The following POC1B variants were observed in gnomAD, a reference collection of about 807,000 sequenced individuals.
The protein encoded by POC1B is POC1 centriolar protein homolog B.
Under a neutral mutation model 60.6 loss-of-function variants are expected in POC1B, and 44 were observed. The ratio of observed to expected loss-of-function variants is 0.73; its 90% confidence interval spans 0.57 to 0.93. The LOEUF (loss-of-function observed/expected upper bound fraction) is 0.93, where lower values mean the gene tolerates loss of function less well. POC1B is among the 40% of genes least tolerant of loss of function. The pLI, the probability that POC1B is intolerant of heterozygous loss-of-function variation, is 0.00. For missense variants in POC1B, 555 were observed against 572.3 expected (o/e 0.97, Z 0.31); for synonymous variants, 180 against 198.9 (o/e 0.90, Z 0.80).
intron 2 of POC1B, chr12:89,501,967 G>A (rs1271343860): frequency 5.1e-6 from 5 of 975,956 alleles, no homozygotes; most frequent in Non-Finnish European, 8.4e-6. Flanking sequence ...GGAAAGTGAT[G>A]AGGCAGACTT....
At chr12:89,501,103 C>T (rs1472829213) in intron 2 of POC1B, 46 of 1,250,214 alleles carry the variant, frequency 3.7e-5, no homozygotes, top group Non-Finnish European at 5.2e-5. Flanking sequence ...CACCATATCC[C>T]CGGCTGAGAG....
At position 89,428,206 on chromosome 12, in the gene POC1B, CAACA is replaced by C. The variant is rs1370282665; in HGVS notation, c.1114-2831_1114-2828del. The C allele has an allele frequency of 7.2e-5, 11 of 152,388 alleles. No individual in the cohort carries two copies. In the East Asian group the frequency reaches 1.9e-3, roughly 27 times the overall value. The allele number at this position is 152,388 out of a possible 1,614,324, so 9.4% of individuals were successfully genotyped here. On this transcript the variant is annotated intron_variant, in intron 10 of 11. Coordinates refer to ENST00000313546, the MANE Select transcript of POC1B (RefSeq NM_172240.3). ...AAAGAACAGGCTTTAAAAAACAAACCAACAAACAAACAAAAAACATTGCTTCTGC... is the reference window on the plus strand; with the variant it reads ...AAAGAACAGGCTTTAAAAAACAAACCAACAAACAAAAAACATTGCTTCTGC...
chr12:89,470,448 G>A lies in POC1B; in HGVS notation c.723C>T (p.Asn241=). 6.2e-7 allele frequency: 1 copy of A among 1,608,016 alleles called. No homozygotes were observed. Among genetic ancestry groups the A allele is most frequent in the Non-Finnish European group, 8.5e-7 (1 of 1,175,564 alleles). The change falls in exon 7 of 12, where the codon AAC becomes AAT. Residue 241 remains asparagine (N), a synonymous_variant. Coordinates refer to ENST00000313546, the MANE Select transcript of POC1B (RefSeq NM_172240.3). ...CATCTGAAGAAGCTGTGATGAGATA[G>A]TTACCCGAAGGATGGAATGATATGC... The part of the protein sequence containing the change: ...VNCISFHPSG[N]YLITASSDGT...
intron 5 of POC1B, 39 bp from the exon 6 acceptor site, chr12:89,471,768 CTTTTT>C (rs776025659): frequency 6.7e-5 from 55 of 820,222 alleles, no homozygotes; most frequent in East Asian, 1.3e-4. Context: ...ATTTCAATTT[CTTTTT>C]TTTTTTTTTT....
intron 9 of POC1B, 160 bp from the exon 10 acceptor site, chr12:89,459,878 C>A (rs1259793436): frequency 6.3e-6 from 3 of 474,758 alleles, no homozygotes; most frequent in Non-Finnish European, 1.1e-5. Flanking sequence ...TAAATGTTAG[C>A]CTACCAATTC....
chr12:89,470,439 G>A lies in POC1B; in HGVS notation c.732C>T (p.Ile244=). 5.6e-6 allele frequency: 9 copies of A among 1,607,734 alleles called. No individual in the cohort carries two copies. Among genetic ancestry groups the A allele is most frequent in the Non-Finnish European group, 7.7e-6 (9 of 1,175,192 alleles). The change falls in exon 7 of 12, where the codon ATC becomes ATT. Residue 244 remains isoleucine, a synonymous_variant. Transcript: ENST00000313546. ...TAAGGGTACCATCTGAAGAAGCTGT[G>A]ATGAGATAGTTACCCGAAGGATGGA... ...ISFHPSGNYL[I]TASSDGTLKI... is the part of the protein sequence containing the mutation.
the POC1B span, among the ~76,000 whole-genome samples, chr12:89,407,550 T>A: frequency 6.6e-6 from 1 of 152,158 alleles, no homozygotes; most frequent in Admixed American, 6.5e-5. Flanking sequence ...TCACTTGATA[T>A]TGATATTTAA....
chr12:89,418,068 G>C (rs1209735751), downstream of POC1B, among the ~76,000 whole-genome samples: 2 of 152,210 alleles, frequency 1.3e-5, no homozygotes, highest in Admixed American at 6.5e-5. Context: ...GTATGTGTCA[G>C]ATGGTAATAA....
At chr12:89,424,061 A>G (rs1302533726) in intron 11 of POC1B, among the ~76,000 whole-genome samples, 1 of 152,250 alleles carries the variant, frequency 6.6e-6, no homozygotes. Context: ...ACATTACAAA[A>G]TGAAAGTGAG....
chr12:89,503,702 G>A (rs1323771794), intron 2 of POC1B, among the ~76,000 whole-genome samples: 1 of 152,106 alleles, frequency 6.6e-6, no homozygotes, highest in Non-Finnish European at 1.5e-5. Context: ...CCCCGTCTGG[G>A]AGGTGAGGAG....
intron 9 of POC1B, among the ~76,000 whole-genome samples, chr12:89,463,151 T>C (rs1304719128): frequency 1.3e-5 from 2 of 152,210 alleles, no homozygotes; most frequent in Non-Finnish European, 2.9e-5. Flanking sequence ...GACATTTTCC[T>C]TCCTGCTAAA....
intron 4 of POC1B, among the ~76,000 whole-genome samples, chr12:89,484,578 A>C (rs1226252613): frequency 6.6e-6 from 1 of 152,244 alleles, no homozygotes; most frequent in African/African-American, 2.4e-5. Context: ...AACTCATTTA[A>C]TCTTCACAGT....
At chr12:89,425,009 C>T (rs1880700351) in intron 11 of POC1B, 152 bp downstream of exon 11, 1 of 695,520 alleles carries the variant, frequency 1.4e-6, no homozygotes, top group East Asian at 2.7e-5. Context: ...CTTATCTCTA[C>T]AAGATCTTGT....
intron 10 of POC1B, among the ~76,000 whole-genome samples, chr12:89,430,792 T>C (rs939984094): frequency 3.9e-5 from 6 of 152,170 alleles, no homozygotes; most frequent in Non-Finnish European, 7.3e-5. Context: ...GTGCTTGGCA[T>C]AGCACATGAG....
chr12:89,525,521 C>T, intron 1 of POC1B: 1 of 1,308,186 alleles, frequency 7.6e-7, no homozygotes, highest in Non-Finnish European at 9.7e-7. Context: ...CCAAGGCAGG[C>T]AGGTGCGAGG....
At chr12:89,479,541 T>C (rs527694389) in intron 4 of POC1B, among the ~76,000 whole-genome samples, 6 of 152,180 alleles carry the variant, frequency 3.9e-5, no homozygotes, top group South Asian at 2.1e-4. Flanking sequence ...TCCAAATATA[T>C]GGTATACCTT....
intron 4 of POC1B, among the ~76,000 whole-genome samples, chr12:89,483,362 T>C (rs1031399726): frequency 1.3e-5 from 2 of 152,222 alleles, no homozygotes; most frequent in African/African-American, 2.4e-5. Flanking sequence ...TCTGCGGAAC[T>C]GTGAGTCAAT....
At chr12:89,484,850 A>G (rs1409834817) in intron 4 of POC1B, among the ~76,000 whole-genome samples, 1 of 152,216 alleles carries the variant, frequency 6.6e-6, no homozygotes, top group East Asian at 1.9e-4. Context: ...AGGGTGACTG[A>G]CCAGCAGTAC....
downstream of POC1B, among the ~76,000 whole-genome samples, chr12:89,419,523 T>A (rs1880442311): frequency 6.6e-6 from 1 of 152,088 alleles, no homozygotes; most frequent in Admixed American, 6.5e-5. Context: ...AGCATCAGCA[T>A]CACCTATGAG....
Sources: gnomAD v4.1 joint callset for allele counts (sites outside exome capture counted in the v4.1 genomes callset) on GRCh38, gnomAD v4.1.1 for gene constraint, MANE v1.5 for transcripts, NCBI Gene and HGNC (gene_info 2026-07-23, HGNC 2026-07-21) for gene names.